RAPGEF5: variants seen among roughly 807,000 people sequenced by gnomAD.
The protein encoded by RAPGEF5 is M-Ras-regulated GEF.
A neutral mutation model predicts 125.2 loss-of-function variants in RAPGEF5; 65 were observed. The observed-to-expected ratio is 0.52, with a 90% confidence interval of 0.43 to 0.64. The LOEUF is 0.64. RAPGEF5 is among the 30% of genes least tolerant of loss of function. The pLI is 0.00. For synonymous variants in RAPGEF5, 391 were observed against 385.9 expected (o/e 1.01, Z -0.16); for missense variants, 958 against 1,048.1 (o/e 0.91, Z 1.19).
At chr7:22,312,035 C>G (rs1246555916) in intron 3 of RAPGEF5, among the ~76,000 whole-genome samples, 1 of 152,242 alleles carries the variant, frequency 6.6e-6, no homozygotes, top group African/African-American at 2.4e-5. Context: ...ACAAACTAAA[C>G]TGTCAAACTG....
At chr7:22,179,051 CCTATCACTT>C (rs1382996979) in intron 11 of RAPGEF5, among the ~76,000 whole-genome samples, 1 of 152,146 alleles carries the variant, frequency 6.6e-6, no homozygotes, top group Non-Finnish European at 1.5e-5. Flanking sequence ...AAAAGATGCT[CCTATCACTT>C]CTATCACTCA....
chr7:22,286,371 A>T (rs894048246), intron 6 of RAPGEF5, among the ~76,000 whole-genome samples: 1 of 152,222 alleles, frequency 6.6e-6, no homozygotes, highest in African/African-American at 2.4e-5. Flanking sequence ...CCTAACTCAC[A>T]TCACCTCAGG....
Position 22,167,153 on chromosome 7 carries a change from A to G in RAPGEF5, c.1205-5T>C. ...GGAAGTCATCCAGGAGGGTCTCTGC[A>G]AAGAAAAAAAAAACAAACACAAGGT... On this transcript the variant is annotated splice_polypyrimidine_tract_variant and splice_region_variant and intron_variant, in intron 11 of 25. Transcript: ENST00000665637. The G allele has an allele frequency of 6.2e-7, 1 of 1,607,804 alleles. No homozygotes were observed. The highest frequency in any genetic ancestry group is 8.5e-7 in the Non-Finnish European group (1 of 1,175,646).
chr7:22,260,459 A>G (rs978558517), intron 7 of RAPGEF5, among the ~76,000 whole-genome samples: 4 of 151,916 alleles, frequency 2.6e-5, no homozygotes, highest in Admixed American at 2.6e-4. Flanking sequence ...AATAAAGTCT[A>G]TCAAAAAAAA....
chr7:22,317,394 C>A lies in RAPGEF5; in HGVS notation c.282+593G>T, dbSNP rs554002116. 7.2e-5 allele frequency among the ~76,000 whole-genome samples: 11 copies of A among 152,098 alleles called. No homozygotes were observed. In the South Asian group the frequency reaches 2.3e-3, roughly 32 times the overall value. ...TAGCTGGGACTACAGGTGCCCACCA[C>A]CACGCCCGGCTAATTTTTTGTATTT... On this transcript the variant is annotated intron_variant, in intron 2 of 25. Transcript: ENST00000665637.
chr7:22,159,031 T>G (rs1481017037), intron 14 of RAPGEF5, among the ~76,000 whole-genome samples: 1 of 152,236 alleles, frequency 6.6e-6, no homozygotes, highest in Non-Finnish European at 1.5e-5. Flanking sequence ...ATTAATGTAT[T>G]TGATGAAATG....
intron 1 of RAPGEF5, among the ~76,000 whole-genome samples, chr7:22,342,255 G>A (rs1784144361): frequency 6.6e-6 from 1 of 152,180 alleles, no homozygotes; most frequent in African/African-American, 2.4e-5. Context: ...GAGCAGCTGG[G>A]ACACAGGACA....
At chr7:22,199,459 A>T (rs1241282238) in intron 9 of RAPGEF5, among the ~76,000 whole-genome samples, 1 of 150,466 alleles carries the variant, frequency 6.6e-6, no homozygotes, top group Non-Finnish European at 1.5e-5. Flanking sequence ...GATGGGCTCA[A>T]GAACTGGGTA....
chr7:22,316,489 A>AT lies in RAPGEF5; in HGVS notation c.283-1014dup, dbSNP rs1174593478. Among the ~76,000 whole-genome samples, 118 of 50,640 alleles carry AT rather than the reference A, an allele frequency of 2.3e-3. 2 individuals carry two copies. Among genetic ancestry groups the AT allele is most frequent in the East Asian group, 0.017 (26 of 1,488 alleles). The allele number at this position is 50,640 out of a possible 152,430, so 33.2% of individuals were successfully genotyped here. On this transcript the variant is annotated intron_variant, in intron 2 of 25. Coordinates refer to ENST00000665637, the MANE Select transcript of RAPGEF5 (RefSeq NM_012294.5). ...TATATATATATATATATATATATAT[A>AT]TTTTTTTTTTTTTTTTTTTGAGGCA...
intron 1 of RAPGEF5, among the ~76,000 whole-genome samples, chr7:22,326,588 A>G (rs1001215775): frequency 4.6e-5 from 7 of 152,222 alleles, no homozygotes; most frequent in African/African-American, 1.7e-4. Flanking sequence ...GTTATTAGTA[A>G]GAACTCTTAA....
chr7:22,147,187 G>C (rs1179286784), intron 18 of RAPGEF5, among the ~76,000 whole-genome samples, 168 bp from the exon 19 acceptor site: 1 of 152,186 alleles, frequency 6.6e-6, no homozygotes, highest in Non-Finnish European at 1.5e-5. Flanking sequence ...GCCAATTTAG[G>C]AAACGGTCTT....
intron 7 of RAPGEF5, among the ~76,000 whole-genome samples, chr7:22,259,370 G>T (rs1192639576): frequency 1.3e-5 from 2 of 152,218 alleles, no homozygotes; most frequent in Non-Finnish European, 2.9e-5. Context: ...TGCTGGTGAG[G>T]ATGTGGAGCA....
chr7:22,145,015 G>A, intron 20 of RAPGEF5, 29 bp downstream of exon 20: 2 of 1,604,264 alleles, frequency 1.2e-6, no homozygotes, highest in African/African-American at 1.3e-5. Context: ...AAGACTAGAG[G>A]AATGGCACTT....
At chr7:22,314,998 A>G (rs1636898) in intron 3 of RAPGEF5, among the ~76,000 whole-genome samples, 82,560 of 151,804 alleles carry the variant, frequency 0.54, 22,946 homozygotes, top group East Asian at 0.86. Flanking sequence ...TCTGCCCAAG[A>G]CATCCTTTCA....
chr7:22,236,593 C>A (rs1174701502), intron 7 of RAPGEF5, among the ~76,000 whole-genome samples: 1 of 152,166 alleles, frequency 6.6e-6, no homozygotes, highest in Non-Finnish European at 1.5e-5. Context: ...TCACCTCAAT[C>A]TCTCCCTAAA....
intron 9 of RAPGEF5, among the ~76,000 whole-genome samples, chr7:22,207,721 C>A (rs1364345599): frequency 6.6e-6 from 1 of 152,160 alleles, no homozygotes; most frequent in East Asian, 1.9e-4. Flanking sequence ...ATCAGTGAAA[C>A]ACGCCAAGGA....
intron 8 of RAPGEF5, among the ~76,000 whole-genome samples, chr7:22,223,046 G>A (rs1414718344): frequency 1.3e-5 from 2 of 152,148 alleles, no homozygotes. Flanking sequence ...TGAGTTGGAA[G>A]TCTGGAGGTT....
At chr7:22,288,723 C>A (rs938882750) in intron 6 of RAPGEF5, among the ~76,000 whole-genome samples, 2 of 152,012 alleles carry the variant, frequency 1.3e-5, no homozygotes, top group African/African-American at 4.8e-5. Flanking sequence ...GGGGTTTCAC[C>A]GTGTTAGCCA....
chr7:22,163,270 G>A (rs1275364322), intron 12 of RAPGEF5, among the ~76,000 whole-genome samples: 3 of 150,870 alleles, frequency 2.0e-5, no homozygotes, highest in African/African-American at 4.9e-5. Flanking sequence ...ATAAAAAAAG[G>A]AAATAACCTA....
Sources: allele counts gnomAD v4.1 joint callset (sites outside exome capture counted in the v4.1 genomes callset), GRCh38; gene constraint gnomAD v4.1.1; transcripts MANE v1.5; gene names NCBI Gene and HGNC (gene_info 2026-07-23, HGNC 2026-07-21).